Variants in GALNT18 observed in about 807,000 individuals in gnomAD.
GALNT18 encodes polypeptide N-acetylgalactosaminyltransferase 18.
A neutral mutation model predicts 69.5 loss-of-function variants in GALNT18; 44 were observed. The observed-to-expected ratio is 0.63, with a 90% CI of 0.50 to 0.81. The LOEUF is 0.81. Ranked by LOEUF, GALNT18 falls within the 40% of genes least tolerant of loss-of-function variation. GALNT18 has a pLI of 0.00. For synonymous variants in GALNT18, 364 were observed against 318.2 expected (o/e 1.14, Z -1.53); for missense variants, 715 against 810.0 (o/e 0.88, Z 1.42).
rs1859951635 is a variant in GALNT18, at chr11:11,613,035, T to G, written c.235+8324A>C. 1.3e-5 allele frequency among the ~76,000 whole-genome samples: 2 copies of G among 152,180 alleles called. No individual in the cohort carries two copies. The highest frequency in any genetic ancestry group is 1.3e-4 in the Admixed American group (2 of 15,272). On this transcript the variant is annotated intron_variant, in intron 1 of 10. Coordinates refer to ENST00000227756, the MANE Select transcript of GALNT18 (RefSeq NM_198516.3). The surrounding 1 kb of genome is among the most constrained non-coding windows in gnomAD (Gnocchi z 4.2). ...TTCCACTAGCATCATTAAGGACAGCTTCATCTCCCAAAAATAAACCTTCCA... is the reference window on the plus strand; with the variant it reads ...TTCCACTAGCATCATTAAGGACAGCGTCATCTCCCAAAAATAAACCTTCCA...
chr11:11,548,400 T>C (rs1347190110), intron 1 of GALNT18, among the ~76,000 whole-genome samples: 1 of 152,146 alleles, frequency 6.6e-6, no homozygotes, highest in East Asian at 1.9e-4. Context: ...CCAACACCCA[T>C]TCAGAAGGCA....
chr11:11,278,402 A>G (rs1848994039), intron 10 of GALNT18, among the ~76,000 whole-genome samples: 1 of 151,644 alleles, frequency 6.6e-6, no homozygotes, highest in African/African-American at 2.4e-5. Context: ...GTTAGGAGAA[A>G]TACCTAATGT....
Position 11,592,832 on chromosome 11 carries a change from A to G in GALNT18, c.235+28527T>C, listed in dbSNP as rs538831266. 6.6e-6 allele frequency among the ~76,000 whole-genome samples: 1 copy of G among 152,272 alleles called. No homozygotes were observed. Among genetic ancestry groups the G allele is most frequent in the Admixed American group, 6.5e-5 (1 of 15,298 alleles). On this transcript the variant is annotated intron_variant, in intron 1 of 10. Transcript: ENST00000227756. The surrounding 1 kb of genome is among the most constrained non-coding windows in gnomAD (Gnocchi z 5.9). ...GATATTCTGTCAATTTAACCAAGTCATTTCCTTCTTAAGGCCTCTGGTTAC... is the reference window on the plus strand; with the variant it reads ...GATATTCTGTCAATTTAACCAAGTCGTTTCCTTCTTAAGGCCTCTGGTTAC...
rs139380172 is a variant in GALNT18, at chr11:11,425,210, C to T, written c.595+7411G>A. Among the ~76,000 whole-genome samples, 605 of 152,304 alleles carry T rather than the reference C, an allele frequency of 4.0e-3. 1 individual carries two copies. The highest frequency in any genetic ancestry group is 0.013 in the African/African-American group (532 of 41,574). Reference sequence around the variant, plus strand: ...CGCTGAGTTGTATGCCTTCTCCTGGCAACAGATATGGGAGGTTTCTAGCAA... The same window carrying T: ...CGCTGAGTTGTATGCCTTCTCCTGGTAACAGATATGGGAGGTTTCTAGCAA... On this transcript the variant is annotated intron_variant, in intron 3 of 10. Coordinates refer to ENST00000227756, the MANE Select transcript of GALNT18 (RefSeq NM_198516.3).
Position 11,469,414 on chromosome 11 carries a change from T to C in GALNT18, c.236-20478A>G, listed in dbSNP as rs1311037734. ...TGTTATGGCTATGTCTTTTACAGGG[T>C]CCAGTACAGATCTCCATGGCAGAGA... is the stretch of plus-strand genomic sequence containing the variant. On this transcript the variant is annotated intron_variant, in intron 1 of 10. Transcript: ENST00000227756. The surrounding 1 kb of genome is among the most constrained non-coding windows in gnomAD (Gnocchi z 4.2). Among the ~76,000 whole-genome samples, 4 of 152,266 alleles carry C rather than the reference T, an allele frequency of 2.6e-5. No individual in the cohort carries two copies. In the East Asian group the frequency reaches 7.7e-4, roughly 29 times the overall value.
At chr11:11,545,871 CA>C (rs1858042956) in intron 1 of GALNT18, among the ~76,000 whole-genome samples, 1 of 152,146 alleles carries the variant, frequency 6.6e-6, no homozygotes, top group African/African-American at 2.4e-5. Context: ...GGGATGTGGT[CA>C]TTTGGCCTGC....
In GALNT18 at chr11:11,300,434, T is replaced by G. The variant is rs1849473723; in HGVS notation, c.1513-7241A>C. ...GAAAACAACGGAATTGGCCAGGGAC[T>G]TACATTGGAAAGGGATGAACCAGCA... On this transcript the variant is annotated intron_variant, in intron 9 of 10. Transcript: ENST00000227756. Among the ~76,000 whole-genome samples, 3 of 152,174 alleles carry G rather than the reference T, an allele frequency of 2.0e-5. No individual in the cohort carries two copies. In the South Asian group the frequency reaches 6.2e-4, roughly 32 times the overall value.
chr11:11,492,602 A>G (rs1027630553), intron 1 of GALNT18, among the ~76,000 whole-genome samples: 2 of 152,210 alleles, frequency 1.3e-5, no homozygotes, highest in Non-Finnish European at 2.9e-5. Context: ...TTGCAGGGAC[A>G]TGGATGAAGC....
chr11:11,332,993 C>T lies in GALNT18; in HGVS notation c.1279-162G>A, dbSNP rs560947440. 8.3e-4 allele frequency among the ~76,000 whole-genome samples: 126 copies of T among 152,030 alleles called. No individual in the cohort carries two copies. Among genetic ancestry groups the T allele is most frequent in the African/African-American group, 2.9e-3 (119 of 41,444 alleles). ...TGCATTTTCCCACGGGTACCTTAAC[C>T]CCGTAACCATCCTCATTTAGACTAC... On this transcript the variant is annotated intron_variant, in intron 7 of 10. Transcript: ENST00000227756. The surrounding 1 kb of genome is among the most constrained non-coding windows in gnomAD (Gnocchi z 4.3).
intron 1 of GALNT18, among the ~76,000 whole-genome samples, chr11:11,560,185 T>TGAAGG (rs1858469474): frequency 3.7e-5 from 1 of 27,210 alleles, no homozygotes; most frequent in Non-Finnish European, 7.5e-5. Flanking sequence ...GAATGAGATA[T>TGAAGG]GATGGGATGG....
At position 11,543,188 on chromosome 11, in the gene GALNT18, A is replaced by G. The variant is rs973365784; in HGVS notation, c.235+78171T>C. ...AGGGAGTAGAGCCTGCCAAATGGCT[A>G]TAATGTCTTGGATGTTTCTAGAACC... On this transcript the variant is annotated intron_variant, in intron 1 of 10. Coordinates refer to ENST00000227756, the MANE Select transcript of GALNT18 (RefSeq NM_198516.3). This position sits in a 1 kb window ranked among gnomAD's most constrained non-coding sequence, Gnocchi z 5.1. Among the ~76,000 whole-genome samples the G allele has an allele frequency of 6.6e-6, 1 of 152,208 alleles. No individual in the cohort carries two copies. Among genetic ancestry groups the G allele is most frequent in the Non-Finnish European group, 1.5e-5 (1 of 68,028 alleles).
In GALNT18 at chr11:11,382,453, A is replaced by G. The variant is rs1853943866; in HGVS notation, c.596-3189T>C. Among the ~76,000 whole-genome samples, 1 of 152,208 alleles carries G rather than the reference A, an allele frequency of 6.6e-6. No individual in the cohort carries two copies. The highest frequency in any genetic ancestry group is 1.5e-5 in the Non-Finnish European group (1 of 68,034). Reference sequence around the variant, plus strand: ...ATATTATATATATTGACTATTAACTATTTTATATACACATAAACACACACA... The same window carrying G: ...ATATTATATATATTGACTATTAACTGTTTTATATACACATAAACACACACA... On this transcript the variant is annotated intron_variant, in intron 3 of 10. Coordinates refer to ENST00000227756, the MANE Select transcript of GALNT18 (RefSeq NM_198516.3). The surrounding 1 kb of genome is among the most constrained non-coding windows in gnomAD (Gnocchi z 4.3).
chr11:11,497,450 C>T lies in GALNT18; in HGVS notation c.236-48514G>A, dbSNP rs1434262207. ...GACTTTATGGGTCCCTGCTCTTATG[C>T]AGGGCCTGTTCACCTGCACCTCCAG... is the stretch of plus-strand genomic sequence containing the variant. On this transcript the variant is annotated intron_variant, in intron 1 of 10. Coordinates refer to ENST00000227756, the MANE Select transcript of GALNT18 (RefSeq NM_198516.3). The surrounding 1 kb of genome is among the most constrained non-coding windows in gnomAD (Gnocchi z 4.2). 6.7e-6 allele frequency among the ~76,000 whole-genome samples: 1 copy of T among 149,816 alleles called. No homozygotes were observed. Among genetic ancestry groups the T allele is most frequent in the South Asian group, 2.1e-4 (1 of 4,664 alleles).
chr11:11,364,097 T>C (rs1205568124), intron 6 of GALNT18, among the ~76,000 whole-genome samples: 1 of 149,090 alleles, frequency 6.7e-6, no homozygotes, highest in Non-Finnish European at 1.5e-5. Context: ...TTCATTATTT[T>C]GAAAGCTATT....
intron 3 of GALNT18, among the ~76,000 whole-genome samples, chr11:11,405,803 A>C (rs996513231): frequency 6.6e-6 from 1 of 152,216 alleles, no homozygotes; most frequent in Non-Finnish European, 1.5e-5. Flanking sequence ...TCATGCAGCG[A>C]TGGGTAAGAG....
chr11:11,321,731 T>G (rs1404981665), intron 9 of GALNT18, among the ~76,000 whole-genome samples: 3 of 152,202 alleles, frequency 2.0e-5, no homozygotes, highest in African/African-American at 7.2e-5. Flanking sequence ...GCCTTCCGAG[T>G]AGCTGGAATT....
In GALNT18 at chr11:11,372,471, G is replaced by C. The variant is rs376170955; in HGVS notation, c.1092+44C>G. 4.1e-5 allele frequency: 61 copies of C among 1,476,064 alleles called. No homozygotes were observed. In the African/African-American group the frequency reaches 6.1e-4, roughly 15 times the overall value. The allele number at this position is 1,476,064 out of a possible 1,614,324, so 91.4% of individuals were successfully genotyped here. A position where few individuals can be genotyped will look rare whatever the true frequency, so the allele number is the denominator to read the frequency against. On this transcript the variant is annotated intron_variant, in intron 6 of 10. Transcript: ENST00000227756. This position sits in a 1 kb window ranked among gnomAD's most constrained non-coding sequence, Gnocchi z 4.9. ...CTCCACCCCCAGACTCATTCACCCT[G>C]GTGGGAGCTGAGCCGAGCAGTTTGA...
At chr11:11,285,495 C>T (rs1013280536) in intron 10 of GALNT18, among the ~76,000 whole-genome samples, 14 of 152,268 alleles carry the variant, frequency 9.2e-5, no homozygotes, top group East Asian at 5.8e-4. Flanking sequence ...CACCTAGTCC[C>T]GGTCCCTGAT....
Position 11,459,738 on chromosome 11 carries a change from T to C in GALNT18, c.236-10802A>G, listed in dbSNP as rs1855999841. 6.6e-6 allele frequency among the ~76,000 whole-genome samples: 1 copy of C among 152,208 alleles called. No homozygotes were observed. Among genetic ancestry groups the C allele is most frequent in the Non-Finnish European group, 1.5e-5 (1 of 68,032 alleles). On this transcript the variant is annotated intron_variant, in intron 1 of 10. Coordinates refer to ENST00000227756, the MANE Select transcript of GALNT18 (RefSeq NM_198516.3). This position sits in a 1 kb window ranked among gnomAD's most constrained non-coding sequence, Gnocchi z 5.0. ...CACCCCGAAAGTGCTTAGCAAACCA[T>C]CAGATAGGTGGTAAAGTGTATTAAT...
Sources: allele counts gnomAD v4.1 joint callset (sites outside exome capture counted in the v4.1 genomes callset), GRCh38; gene constraint gnomAD v4.1.1; non-coding constraint Gnocchi (gnomAD v3.1); transcripts MANE v1.5; gene names NCBI Gene and HGNC (gene_info 2026-07-23, HGNC 2026-07-21).